The following GIMAP5 variants were observed in gnomAD, a reference collection of about 807,000 sequenced individuals.
GIMAP5 encodes GTPase IMAP family member 5.
Under a neutral mutation model 9.9 loss-of-function variants are expected in GIMAP5, and 8 were observed. The observed-to-expected ratio is 0.81, with a 90% CI of 0.47 to 1.45. GIMAP5 has a LOEUF of 1.45. Ranked by LOEUF, GIMAP5 falls within the 40% of genes most tolerant of loss-of-function variation. The pLI, the probability that GIMAP5 is intolerant of heterozygous loss-of-function variation, is 0.00. For synonymous variants in GIMAP5, 174 were observed against 151.4 expected (o/e 1.15, Z -1.09); for missense variants, 353 against 367.4 (o/e 0.96, Z 0.32).
In GIMAP5 at chr7:150,737,584, GC is replaced by G; in HGVS notation, c.-130del. 2 of 1,535,646 alleles carry G rather than the reference GC, an allele frequency of 1.3e-6. No homozygotes were observed. Among genetic ancestry groups the G allele is most frequent in the South Asian group, 2.4e-5 (2 of 84,066 alleles). ...TCAACCTCCCTCAGCCCTGTGAACA[GC>G]ATCCCCGCACACAGACGCAGAGCAG... On this transcript the variant is annotated 5_prime_UTR_variant, in exon 1 of 3. Coordinates refer to ENST00000358647, the MANE Select transcript of GIMAP5 (RefSeq NM_018384.5).
intron 2 of GIMAP5, among the ~76,000 whole-genome samples, chr7:150,741,581 A>G (rs1482666748): frequency 6.6e-6 from 1 of 152,180 alleles, no homozygotes; most frequent in Non-Finnish European, 1.5e-5. Context: ...GTCATCTCCC[A>G]GACGCTGCCC....
intron 1 of GIMAP5, chr7:150,738,579 G>A (rs1293791047): frequency 6.6e-6 from 1 of 152,156 alleles, no homozygotes; most frequent in Non-Finnish European, 1.5e-5. Context: ...TTGTTCATTT[G>A]CTTCACCCTT....
chr7:150,739,791 A>C (rs766662950), intron 1 of GIMAP5: 10 of 152,182 alleles, frequency 6.6e-5, no homozygotes, highest in Non-Finnish European at 1.2e-4. Context: ...CTGTCTTAAT[A>C]CATTCTGATA....
At chr7:150,739,291 A>C (rs535998867) in intron 1 of GIMAP5, 5 of 152,364 alleles carry the variant, frequency 3.3e-5, no homozygotes, top group African/African-American at 9.6e-5. Flanking sequence ...GACAATACAC[A>C]GCAAAAGGAG....
chr7:150,739,196 C>T (rs1797559650), intron 1 of GIMAP5: 1 of 152,154 alleles, frequency 6.6e-6, no homozygotes, highest in Non-Finnish European at 1.5e-5. Context: ...TGTCTCCTGA[C>T]CAGGGAGTGG....
chr7:150,737,780 C>A, intron 1 of GIMAP5, 72 bp downstream of exon 1: 1 of 1,234,246 alleles, frequency 8.1e-7, no homozygotes, highest in Non-Finnish European at 1.1e-6. Context: ...CACAGCTGTT[C>A]ATTTCTGACA....
In GIMAP5 at chr7:150,743,603, T is replaced by C. The variant is rs1257025191; in HGVS notation, c.*540T>C. 2 of 152,996 alleles carry C rather than the reference T, an allele frequency of 1.3e-5. No homozygotes were observed. Among genetic ancestry groups the C allele is most frequent in the Admixed American group, 1.3e-4 (2 of 15,362 alleles). The allele number at this position is 152,996 out of a possible 1,614,324, so 9.5% of individuals were successfully genotyped here. The stretch of plus-strand genomic sequence containing the variant: ...AGCTATTTGAGCTCCGGGTCTCTTC[T>C]ACCTGCATTCTAAAACATTCAAAGT... On this transcript the variant is annotated 3_prime_UTR_variant, in exon 3 of 3. Coordinates refer to ENST00000358647, the MANE Select transcript of GIMAP5 (RefSeq NM_018384.5).
rs770097013 is a variant in GIMAP5 at position 150,742,711 on chromosome 7, G to T, written c.572G>T (p.Gly191Val). The change falls in exon 3 of 3, where the codon GGC becomes GTC. Residue 191 changes from glycine to valine, a missense_variant. By Grantham distance (109) the Gly-to-Val change is moderately radical. Coordinates refer to ENST00000358647, the MANE Select transcript of GIMAP5 (RefSeq NM_018384.5). The stretch of plus-strand genomic sequence containing the variant: ...AGGTACTGTGCCTTCAACAACTGGG[G>T]CTCTGTGGAGGAGCAGAGGCAGCAG... Reference protein sequence around the residue: ...ERRYCAFNNWGSVEEQRQQQA... With the variant: ...ERRYCAFNNWVSVEEQRQQQA... The T allele has an allele frequency of 2.5e-6, 4 of 1,614,190 alleles. No homozygotes were observed. The highest frequency in any genetic ancestry group is 3.4e-6 in the Non-Finnish European group (4 of 1,180,022).
In GIMAP5 at chr7:150,743,336, T is replaced by A; in HGVS notation, c.*273T>A. On this transcript the variant is annotated 3_prime_UTR_variant, in exon 3 of 3. Coordinates refer to ENST00000358647, the MANE Select transcript of GIMAP5 (RefSeq NM_018384.5). ...CAGGTCCCTGAGAAGTGAGTAAAAG[T>A]CCGCAGAGGTGGGGATGGAAGATCT... 1 of 398,474 alleles carries A rather than the reference T, an allele frequency of 2.5e-6. No homozygotes were observed. Among genetic ancestry groups the A allele is most frequent in the African/African-American group, 2.0e-5 (1 of 49,280 alleles). 24.7% of individuals were successfully genotyped at this position (398,474 alleles called of 1,614,324 possible).
At chr7:150,738,986 T>A (rs1239183917) in intron 1 of GIMAP5, 1 of 152,268 alleles carries the variant, frequency 6.6e-6, no homozygotes, top group Admixed American at 6.5e-5. Context: ...TTGTTGCTGG[T>A]CATTGGCTAA....
chr7:150,742,991 G>A lies in GIMAP5; in HGVS notation c.852G>A (p.Glu284=), dbSNP rs1797627516. The A allele has an allele frequency of 6.2e-7, 1 of 1,613,668 alleles. No individual in the cohort carries two copies. Among genetic ancestry groups the A allele is most frequent in the South Asian group, 1.1e-5 (1 of 91,078 alleles). The change falls in exon 3 of 3, where the codon GAG becomes GAA. Residue 284 remains glutamate (E), a synonymous_variant. Transcript: ENST00000358647. ...AACACTTGATGCTTTTGCATTATGA[G>A]ATTTTTGTTTTTCTATTGTTGTGCA... ...RVKHLMLLHY[E]IFVFLLLCSI...
intron 1 of GIMAP5, chr7:150,738,485 A>G (rs1488287016): frequency 6.6e-6 from 1 of 152,248 alleles, no homozygotes; most frequent in Non-Finnish European, 1.5e-5. Flanking sequence ...AGTATGGAAG[A>G]GGCTGCTTTC....
intron 2 of GIMAP5, 123 bp from the exon 3 acceptor site, chr7:150,742,060 C>T: frequency 8.6e-7 from 1 of 1,163,672 alleles, no homozygotes. Flanking sequence ...CTTTTATGTA[C>T]ACATAAATAT....
rs567638899 is a variant in GIMAP5, at chr7:150,741,288, C to T, written c.43+361C>T. 7.9e-5 allele frequency among the ~76,000 whole-genome samples: 12 copies of T among 151,678 alleles called. No homozygotes were observed. In the South Asian group the frequency reaches 1.0e-3, roughly 13 times the overall value. On this transcript the variant is annotated intron_variant, in intron 2 of 2. Transcript: ENST00000358647. Reference sequence around the variant, plus strand: ...TAGTCATTGTGCTTGCTACAAAACACCACAGAATAACTTAAGAAAACGAAG... The same window carrying T: ...TAGTCATTGTGCTTGCTACAAAACATCACAGAATAACTTAAGAAAACGAAG...
In GIMAP5 at chr7:150,742,780, G is replaced by A. The variant is rs768736186; in HGVS notation, c.641G>A (p.Arg214Gln). 67 of 1,614,024 alleles carry A rather than the reference G, an allele frequency of 4.2e-5. 1 individual carries two copies. The highest frequency in any genetic ancestry group is 2.0e-4 in the Admixed American group (12 of 60,006). The change falls in exon 3 of 3, where the codon CGA (arginine) becomes CAA (glutamine). Residue 214 changes from arginine to glutamine, a missense_variant. By Grantham distance (43) the Arg-to-Gln change is conservative (BLOSUM62 1). Coordinates refer to ENST00000358647, the MANE Select transcript of GIMAP5 (RefSeq NM_018384.5). ...LAVIERLGRE[R>Q]EGSFHSNDLF... is the part of the protein sequence containing the mutation. Reference sequence around the variant, plus strand: ...GTGATTGAGAGGCTGGGGAGGGAGCGAGAGGGCTCCTTCCACAGCAATGAC... The same window carrying A: ...GTGATTGAGAGGCTGGGGAGGGAGCAAGAGGGCTCCTTCCACAGCAATGAC...
rs1167680380 is a variant in GIMAP5 at position 150,740,614 on chromosome 7, G to T, written c.-6-265G>T. On this transcript the variant is annotated intron_variant, in intron 1 of 2. Transcript: ENST00000358647. ...GTTGGGGGAGATAATCAACTGATTTGCTTCAAAATATTTCCTGATTTTCTG... is the reference window on the plus strand; with the variant it reads ...GTTGGGGGAGATAATCAACTGATTTTCTTCAAAATATTTCCTGATTTTCTG... 1.7e-5 allele frequency: 6 copies of T among 361,110 alleles called. 1 individual carries two copies. The highest frequency in any genetic ancestry group is 1.4e-4 in the South Asian group (3 of 20,812). The allele number at this position is 361,110 out of a possible 1,614,324, so 22.4% of individuals were successfully genotyped here.
chr7:150,742,470 C>A lies in GIMAP5; in HGVS notation c.331C>A (p.Pro111Thr). The change falls in exon 3 of 3, where the codon CCC (proline) becomes ACC (threonine). Residue 111 changes from proline (P) to threonine (T), a missense_variant. Transcript: ENST00000358647. ...GDCYLLSAPGPHVLLLVIQLG... is the reference protein window; with the variant it reads ...GDCYLLSAPGTHVLLLVIQLG... ...CTGCTACCTGCTCTCTGCCCCGGGG[C>A]CCCACGTCCTGCTTCTGGTGATCCA... The A allele has an allele frequency of 1.2e-6, 2 of 1,614,192 alleles. No homozygotes were observed. Among genetic ancestry groups the A allele is most frequent in the African/African-American group, 1.3e-5 (1 of 75,024 alleles).
In GIMAP5 at chr7:150,737,448, T is replaced by C; in HGVS notation, c.-267T>C. ...GTTTCCAGCCAACACCAGGGTGTCC[T>C]AGTCCGCAGAGGTGTGGGGGACACA... On this transcript the variant is annotated 5_prime_UTR_variant, in exon 1 of 3. Coordinates refer to ENST00000358647, the MANE Select transcript of GIMAP5 (RefSeq NM_018384.5). 7.3e-7 allele frequency: 1 copy of C among 1,364,986 alleles called. No homozygotes were observed. The highest frequency in any genetic ancestry group is 1.4e-5 in the African/African-American group (1 of 69,794). The allele number at this position is 1,364,986 out of a possible 1,614,324, so 84.6% of individuals were successfully genotyped here.
intron 1 of GIMAP5, 119 bp from the exon 2 acceptor site, chr7:150,740,760 G>T: frequency 1.1e-6 from 1 of 912,286 alleles, no homozygotes. Context: ...AGAAAATTAG[G>T]GATGGAAATG....
Sources: allele counts gnomAD v4.1 joint callset (sites outside exome capture counted in the v4.1 genomes callset), GRCh38; gene constraint gnomAD v4.1.1; transcripts MANE v1.5; gene names NCBI Gene and HGNC (gene_info 2026-07-23, HGNC 2026-07-21).